The following AGO2 variants were observed in gnomAD, a reference collection of about 807,000 sequenced individuals.
AGO2 encodes the protein argonaute RISC catalytic component 2, also known as protein argonaute-2.
Under a neutral mutation model 102.3 loss-of-function variants are expected in AGO2, and 5 were observed. That is an observed-to-expected ratio of 0.05 (90% CI 0.03 to 0.10). The LOEUF (loss-of-function observed/expected upper bound fraction) is 0.10, where lower values mean the gene tolerates loss of function less well. Among genes scored for constraint, AGO2 ranks in the 10% least tolerant of loss-of-function variants. The pLI, the probability that AGO2 is intolerant of heterozygous loss-of-function variation, is 1.00. For missense variants in AGO2, 541 were observed against 1,183.7 expected, an observed-to-expected ratio of 0.46 and a Z score of 7.97; for synonymous variants, 449 against 473.1, an observed-to-expected ratio of 0.95 and a Z score of 0.66.
upstream of AGO2, chr8:140,637,753 C>G (rs1027639920): frequency 6.5e-6 from 1 of 152,696 alleles, no homozygotes; most frequent in African/African-American, 2.4e-5. Flanking sequence ...TCCTCCCAAC[C>G]TGCTTTTCTT....
Position 140,520,485 on chromosome 8 carries a change from T to C in AGO2, c.*11559A>G, listed in dbSNP as rs1357099632. On this transcript the variant is annotated 3_prime_UTR_variant, in exon 19 of 19. Coordinates refer to ENST00000220592, the MANE Select transcript of AGO2 (RefSeq NM_012154.5). ...AGCTAAGCTTAAACACGACAATAGATGCTCAGTTTCTCAGCATTTAGCTTT... is the reference window on the plus strand; with the variant it reads ...AGCTAAGCTTAAACACGACAATAGACGCTCAGTTTCTCAGCATTTAGCTTT... 1.3e-5 allele frequency: 2 copies of C among 152,352 alleles called. No individual in the cohort carries two copies. The highest frequency in any genetic ancestry group is 3.9e-4 in the East Asian group (2 of 5,186). The allele number at this position is 152,352 out of a possible 1,614,324, so 9.4% of individuals were successfully genotyped here. A position where few individuals can be genotyped will look rare whatever the true frequency, so the allele number is the denominator to read the frequency against.
chr8:140,534,874 C>T (rs974537955), intron 17 of AGO2, among the ~76,000 whole-genome samples: 1 of 152,232 alleles, frequency 6.6e-6, no homozygotes, highest in African/African-American at 2.4e-5. Flanking sequence ...GGACGTGGTG[C>T]TCCTGCTCCT....
chr8:140,541,486 G>A, intron 14 of AGO2, 128 bp from the exon 15 acceptor site: 1 of 872,522 alleles, frequency 1.1e-6, no homozygotes, highest in East Asian at 2.8e-5. Context: ...ACTGTCAAGT[G>A]ACAATGGCTG....
At position 140,532,605 on chromosome 8, in the gene AGO2, C is replaced by T; in HGVS notation, c.2282G>A (p.Arg761Lys). 6.2e-7 allele frequency: 1 copy of T among 1,614,248 alleles called. No individual in the cohort carries two copies. Among genetic ancestry groups the T allele is most frequent in the East Asian group, 2.2e-5 (1 of 44,890 alleles). The change falls in exon 18 of 19, where the codon AGG becomes AAG. Residue 761 changes from arginine to lysine, a missense_variant. Arg to Lys is a conservative substitution (Grantham distance 26). This residue lies in a region of AGO2 where 309 missense variants were observed against 735.1 expected (regional missense o/e 0.42). Coordinates refer to ENST00000220592, the MANE Select transcript of AGO2 (RefSeq NM_012154.5). ...CCAGAGGACGTGATAGTGCGAAGGC[C>T]TGCTTGTCCCCTAAAGCAGATCAGA... The part of the protein sequence containing the change: ...CSHAGIQGTS[R>K]PSHYHVLWDD...
chr8:140,558,855 G>A (rs558434119), intron 6 of AGO2, among the ~76,000 whole-genome samples: 4 of 152,194 alleles, frequency 2.6e-5, no homozygotes, highest in African/African-American at 4.8e-5. Context: ...GTGATAACAC[G>A]GGGTACGGTG....
At chr8:140,585,654 G>A (rs1005439119) in intron 1 of AGO2, among the ~76,000 whole-genome samples, 20 of 152,220 alleles carry the variant, frequency 1.3e-4, no homozygotes, top group African/African-American at 3.9e-4. Flanking sequence ...TGCTTAAACC[G>A]CTCGTTTACT....
chr8:140,595,718 T>A (rs1346579141), intron 1 of AGO2, among the ~76,000 whole-genome samples: 4 of 131,910 alleles, frequency 3.0e-5, no homozygotes, highest in Non-Finnish European at 4.7e-5. Flanking sequence ...AAATATTATA[T>A]TATATAATAT....
chr8:140,615,795 A>G lies in AGO2; in HGVS notation c.22+19690T>C, dbSNP rs187854531. Among the ~76,000 whole-genome samples, 181 of 152,350 alleles carry G rather than the reference A, an allele frequency of 1.2e-3. 1 individual carries two copies. Among genetic ancestry groups the G allele is most frequent in the African/African-American group, 4.1e-3 (171 of 41,574 alleles). On this transcript the variant is annotated intron_variant, in intron 1 of 18. Transcript: ENST00000220592. ...TCCTGCCCACGGTCTGTTCTGAATT[A>G]AACACACTATTGAGTTGGAGCACTC...
At chr8:140,572,620 C>T (rs2073396958) in intron 3 of AGO2, 192 bp downstream of exon 3, 3 of 720,318 alleles carry the variant, frequency 4.2e-6, no homozygotes, top group East Asian at 3.2e-5. Flanking sequence ...AAGTTAAACC[C>T]CCATCACTGA....
Position 140,557,313 on chromosome 8 carries a change from C to CT in AGO2, c.879-78dup. 1 of 1,510,672 alleles carries CT rather than the reference C, an allele frequency of 6.6e-7. No homozygotes were observed. The highest frequency in any genetic ancestry group is 8.9e-7 in the Non-Finnish European group (1 of 1,127,452). The allele number at this position is 1,510,672 out of a possible 1,614,324, so 93.6% of individuals were successfully genotyped here. A position where few individuals can be genotyped will look rare whatever the true frequency, so the allele number is the denominator to read the frequency against. The stretch of plus-strand genomic sequence containing the variant: ...CTGCGCTGCTTTTCATTTGCGTTTG[C>CT]TTTTTAGGGTGACGTGTGAGGAGCA... On this transcript the variant is annotated intron_variant, in intron 7 of 18. Coordinates refer to ENST00000220592, the MANE Select transcript of AGO2 (RefSeq NM_012154.5). The surrounding 1 kb of genome is among the most constrained non-coding windows in gnomAD (Gnocchi z 5.9).
chr8:140,592,057 T>C (rs985296918), intron 1 of AGO2: 3 of 151,896 alleles, frequency 2.0e-5, no homozygotes. Flanking sequence ...GAGGTGAAGG[T>C]TGCAGTGAAC....
rs1348958092 is a variant in AGO2 at position 140,589,621 on chromosome 8, C to T, written c.23-4310G>A. ...CTCCTAGAACTCTGCATTCATTACA[C>T]TGGGCATCAGCCAGAAAACGTGCAG... is the stretch of plus-strand genomic sequence containing the variant. On this transcript the variant is annotated intron_variant, in intron 1 of 18. Transcript: ENST00000220592. The surrounding 1 kb of genome is among the most constrained non-coding windows in gnomAD (Gnocchi z 4.2). Among the ~76,000 whole-genome samples, 1 of 152,178 alleles carries T rather than the reference C, an allele frequency of 6.6e-6. No individual in the cohort carries two copies.
At chr8:140,551,495 T>G (rs1489128267) in intron 10 of AGO2, 59 bp from the exon 11 acceptor site, 1 of 1,415,710 alleles carries the variant, frequency 7.1e-7, no homozygotes, top group Non-Finnish European at 9.3e-7. Flanking sequence ...CCTTCAACCT[T>G]AGACTTTGTC....
chr8:140,626,192 G>A (rs2074274743), intron 1 of AGO2, among the ~76,000 whole-genome samples: 4 of 152,196 alleles, frequency 2.6e-5, no homozygotes, highest in Admixed American at 6.5e-5. Flanking sequence ...AAGAGCTGTC[G>A]GGGTCCGGCG....
At chr8:140,570,641 C>A (rs965214018) in intron 3 of AGO2, among the ~76,000 whole-genome samples, 1 of 152,174 alleles carries the variant, frequency 6.6e-6, no homozygotes, top group African/African-American at 2.4e-5. Flanking sequence ...GGGGCACAGG[C>A]ACCGGACGGG....
At chr8:140,606,014 C>T (rs2073993727) in intron 1 of AGO2, 1 of 152,360 alleles carries the variant, frequency 6.6e-6, no homozygotes. Context: ...ATGACCAGTG[C>T]TATCAACAAA....
intron 10 of AGO2, 107 bp downstream of exon 10, chr8:140,555,789 C>T (rs2073083960): frequency 1.4e-6 from 2 of 1,429,026 alleles, no homozygotes; most frequent in Non-Finnish European, 1.8e-6. Context: ...AAGGATTCTC[C>T]TGCATGGAAC....
chr8:140,587,383 T>C (rs977057977), intron 1 of AGO2, among the ~76,000 whole-genome samples: 1 of 152,270 alleles, frequency 6.6e-6, no homozygotes, highest in Non-Finnish European at 1.5e-5. Context: ...TGTAAAAGTT[T>C]TCCAGGCAGA....
chr8:140,541,365 G>A lies in AGO2; in HGVS notation c.1840-7C>T, dbSNP rs900672358. On this transcript the variant is annotated splice_region_variant and splice_polypyrimidine_tract_variant and intron_variant, in intron 14 of 18. Coordinates refer to ENST00000220592, the MANE Select transcript of AGO2 (RefSeq NM_012154.5). Reference sequence around the variant, plus strand: ...CGTCCATGCTGCCCACCACCTGCAGGAACAGGCAGTGAGTGTGGTCAGGGG... The same window carrying A: ...CGTCCATGCTGCCCACCACCTGCAGAAACAGGCAGTGAGTGTGGTCAGGGG... 1.3e-5 allele frequency: 20 copies of A among 1,595,894 alleles called. No homozygotes were observed. Among genetic ancestry groups the A allele is most frequent in the Non-Finnish European group, 1.7e-5 (20 of 1,172,696 alleles).
Sources: gnomAD v4.1 joint callset for allele counts (sites outside exome capture counted in the v4.1 genomes callset) on GRCh38, gnomAD v4.1.1 for gene constraint, gnomAD v4.1.1 regional missense constraint, Gnocchi (gnomAD v3.1) non-coding constraint, MANE v1.5 for transcripts, NCBI Gene and HGNC (gene_info 2026-07-23, HGNC 2026-07-21) for gene names.